SLC41A2: variants seen among roughly 807,000 people sequenced by gnomAD.
SLC41A2 encodes the protein solute carrier family 41 member 2, also known as SLC41A1-like 1.
Under a neutral mutation model 58.3 loss-of-function variants are expected in SLC41A2, and 32 were observed. That is an observed-to-expected ratio of 0.55 (90% CI 0.41 to 0.74). The LOEUF is 0.74. SLC41A2 is among the 30% of genes least tolerant of loss of function. The probability of loss-of-function intolerance (pLI) is 0.00; values close to 1 mark genes in which losing one functional copy is unlikely to be tolerated. For synonymous variants in SLC41A2, 190 were observed against 235.0 expected (o/e 0.81, Z 1.75); for missense variants, 514 against 680.6 (o/e 0.76, Z 2.72).
intron 4 of SLC41A2, among the ~76,000 whole-genome samples, chr12:104,894,659 A>G (rs2045191721): frequency 6.6e-6 from 1 of 152,172 alleles, no homozygotes; most frequent in African/African-American, 2.4e-5. Context: ...GCATTCCCTA[A>G]GCTCACACTA....
In SLC41A2 at chr12:104,853,911, A is replaced by ATTATTATTATTATTTTT; in HGVS notation, c.1255+7379_1255+7380insAAAAATAATAATAATAA. Among the ~76,000 whole-genome samples the ATTATTATTATTATTTTT allele has an allele frequency of 6.6e-4, 39 of 59,490 alleles. 2 individuals are homozygous for ATTATTATTATTATTTTT. Among genetic ancestry groups the ATTATTATTATTATTTTT allele is most frequent in the African/African-American group, 9.0e-4 (13 of 14,472 alleles). 39.0% of individuals were successfully genotyped at this position (59,490 alleles called of 152,430 possible). ...GGGTGCATGTCACCATGCCTGGCTG[A>ATTATTATTATTATTTTT]TTTTTTTTTTTTTTTTTTTTTTTTT... On this transcript the variant is annotated intron_variant, in intron 8 of 10. Transcript: ENST00000258538.
At chr12:104,886,177 C>G in intron 6 of SLC41A2, 116 bp downstream of exon 6, 1 of 1,053,206 alleles carries the variant, frequency 9.5e-7, no homozygotes, top group Non-Finnish European at 1.4e-6. Flanking sequence ...CCTAATCAGT[C>G]TCAACAGCAG....
chr12:104,838,036 G>C (rs1317173195), intron 10 of SLC41A2, among the ~76,000 whole-genome samples: 2 of 152,222 alleles, frequency 1.3e-5, no homozygotes, highest in Non-Finnish European at 2.9e-5. Context: ...CTGGATGACA[G>C]ACAGTCTGGC....
intron 1 of SLC41A2, among the ~76,000 whole-genome samples, chr12:104,944,003 T>C (rs577254148): frequency 2.0e-5 from 3 of 152,130 alleles, no homozygotes; most frequent in East Asian, 3.9e-4. Context: ...CCTCCCTTTG[T>C]ATGGGAGCTC....
chr12:104,814,810 AT>A (rs1333151578), intron 10 of SLC41A2, among the ~76,000 whole-genome samples: 1 of 152,240 alleles, frequency 6.6e-6, no homozygotes, highest in Admixed American at 6.5e-5. Flanking sequence ...TATGGACTTT[AT>A]TTAAAAGATT....
chr12:104,820,265 A>C (rs1397841081), intron 10 of SLC41A2, among the ~76,000 whole-genome samples: 3 of 152,214 alleles, frequency 2.0e-5, no homozygotes, highest in Admixed American at 6.5e-5. Context: ...CAGTAGTTTG[A>C]GACCAGCCTT....
At chr12:104,955,506 C>T (rs2048129307) in intron 1 of SLC41A2, among the ~76,000 whole-genome samples, 1 of 152,178 alleles carries the variant, frequency 6.6e-6, no homozygotes, top group Non-Finnish European at 1.5e-5. Flanking sequence ...GTCCACTGAC[C>T]ATGACACTGC....
rs903317314 is a variant in SLC41A2, at chr12:104,866,305, TA to T, written c.1175+126del. 4 of 1,242,250 alleles carry T rather than the reference TA, an allele frequency of 3.2e-6. No homozygotes were observed. In the African/African-American group the frequency reaches 6.2e-5, roughly 19 times the overall value. 77.0% of individuals were successfully genotyped at this position (1,242,250 alleles called of 1,614,324 possible). A position where few individuals can be genotyped will look rare whatever the true frequency, so the allele number is the denominator to read the frequency against. On this transcript the variant is annotated intron_variant, in intron 7 of 10. Coordinates refer to ENST00000258538, the MANE Select transcript of SLC41A2 (RefSeq NM_001352171.3). The stretch of plus-strand genomic sequence containing the variant: ...TATATAAAATAATTAACCTAAGAAA[TA>T]AAAACAGGCAATTCATTTATTTTAA...
At chr12:104,897,259 C>A (rs774943467) in intron 3 of SLC41A2, among the ~76,000 whole-genome samples, 6 of 150,938 alleles carry the variant, frequency 4.0e-5, no homozygotes, top group Admixed American at 2.0e-4. Flanking sequence ...AATTCTCCTG[C>A]CTCAGCCTCC....
chr12:104,902,693 C>T (rs745451039), intron 3 of SLC41A2, among the ~76,000 whole-genome samples: 3 of 152,056 alleles, frequency 2.0e-5, no homozygotes, highest in East Asian at 3.9e-4. Flanking sequence ...CGGTGAAAGA[C>T]GTGGGAGAAT....
intron 10 of SLC41A2, among the ~76,000 whole-genome samples, chr12:104,831,475 G>A (rs553332641): frequency 3.9e-5 from 6 of 152,176 alleles, no homozygotes; most frequent in Non-Finnish European, 8.8e-5. Context: ...CCACATAGAT[G>A]ATGGTGGTTC....
At chr12:104,827,798 A>C (rs988622989) in intron 10 of SLC41A2, among the ~76,000 whole-genome samples, 3 of 152,178 alleles carry the variant, frequency 2.0e-5, no homozygotes, top group Admixed American at 6.5e-5. Context: ...GTCAGGAAAC[A>C]GCTAAGGCCG....
In SLC41A2 at chr12:104,884,050, G is replaced by A. The variant is rs149781793; in HGVS notation, c.1027+2243C>T. Among the ~76,000 whole-genome samples the A allele has an allele frequency of 4.0e-3, 612 of 152,288 alleles. 5 individuals are homozygous for A. The highest frequency in any genetic ancestry group is 0.012 in the African/African-American group (491 of 41,552). ...TACCTAGTCAAGCCTCAGCAATGGCGGACGCCCCTCCCCCAGCCTCGCTGC... is the reference window on the plus strand; with the variant it reads ...TACCTAGTCAAGCCTCAGCAATGGCAGACGCCCCTCCCCCAGCCTCGCTGC... On this transcript the variant is annotated intron_variant, in intron 6 of 10. Coordinates refer to ENST00000258538, the MANE Select transcript of SLC41A2 (RefSeq NM_001352171.3).
chr12:104,947,464 T>C (rs181574078), intron 1 of SLC41A2, among the ~76,000 whole-genome samples: 32 of 152,138 alleles, frequency 2.1e-4, no homozygotes, highest in African/African-American at 7.0e-4. Context: ...CCTCCCAAAG[T>C]GCTGGGATTC....
chr12:104,847,361 TG>T (rs1055210575), intron 8 of SLC41A2, among the ~76,000 whole-genome samples: 1 of 151,872 alleles, frequency 6.6e-6, no homozygotes, highest in Non-Finnish European at 1.5e-5. Context: ...CCCAGCACTT[TG>T]GGGGGCCGAG....
Position 104,910,519 on chromosome 12 carries a change from G to A in SLC41A2, c.556-757C>T, listed in dbSNP as rs116888477. On this transcript the variant is annotated intron_variant, in intron 2 of 10. Coordinates refer to ENST00000258538, the MANE Select transcript of SLC41A2 (RefSeq NM_001352171.3). ...TATAAATGAAAAATAAACTTCTAAT[G>A]TCCCCAACCAATGGAATAGACCCCC... Among the ~76,000 whole-genome samples the A allele has an allele frequency of 3.9e-3, 594 of 152,144 alleles. 1 individual carries two copies. The highest frequency in any genetic ancestry group is 6.8e-3 in the Middle Eastern group (2 of 294).
intron 2 of SLC41A2, among the ~76,000 whole-genome samples, chr12:104,918,254 T>C (rs7973707): frequency 0.63 from 95,775 of 151,688 alleles, 31,042 homozygotes; most frequent in African/African-American, 0.78. Context: ...AAATGTAAAA[T>C]GACCAAAATT....
At chr12:104,950,368 G>A (rs544115411) in intron 1 of SLC41A2, among the ~76,000 whole-genome samples, 2 of 152,230 alleles carry the variant, frequency 1.3e-5, no homozygotes, top group African/African-American at 2.4e-5. Flanking sequence ...GGACTGTTCT[G>A]CCTTCACTCC....
chr12:104,861,214 A>G (rs1028156834), intron 8 of SLC41A2, 77 bp downstream of exon 8: 12 of 1,064,792 alleles, frequency 1.1e-5, no homozygotes, highest in Non-Finnish European at 1.2e-5. Context: ...TCTGAGCCCT[A>G]AGACTTCTAA....
Sources: gnomAD v4.1 joint callset for allele counts (sites outside exome capture counted in the v4.1 genomes callset) on GRCh38, gnomAD v4.1.1 for gene constraint, MANE v1.5 for transcripts, NCBI Gene and HGNC (gene_info 2026-07-23, HGNC 2026-07-21) for gene names.